ZDHHC14: variants seen among roughly 807,000 people sequenced by gnomAD.
ZDHHC14 encodes zDHHC palmitoyltransferase 14, also known as palmitoyltransferase ZDHHC14.
Under a neutral mutation model 47.7 loss-of-function variants are expected in ZDHHC14, and 16 were observed. That is an observed-to-expected ratio of 0.34 (90% CI 0.23 to 0.51). The LOEUF (loss-of-function observed/expected upper bound fraction) is 0.51. Among genes scored for constraint, ZDHHC14 ranks in the 20% least tolerant of loss-of-function variants. The probability of loss-of-function intolerance (pLI) is 0.97; values close to 1 mark genes in which losing one functional copy is unlikely to be tolerated. For synonymous variants in ZDHHC14, 293 were observed against 278.9 expected, an observed-to-expected ratio of 1.05 and a Z score of -0.50; for missense variants, 515 against 662.5, an observed-to-expected ratio of 0.78 and a Z score of 2.44.
chr6:157,385,899 A>G (rs1452145804), intron 1 of ZDHHC14, among the ~76,000 whole-genome samples: 2 of 152,202 alleles, frequency 1.3e-5, no homozygotes, highest in Non-Finnish European at 2.9e-5. Context: ...GTCTTTTTTA[A>G]GCCTTAGTTT....
chr6:157,403,751 A>G (rs184386242), intron 1 of ZDHHC14, among the ~76,000 whole-genome samples: 2 of 152,394 alleles, frequency 1.3e-5, no homozygotes, highest in East Asian at 1.9e-4. Context: ...TTTAGCAAGT[A>G]TGATCTCCTT....
intron 1 of ZDHHC14, among the ~76,000 whole-genome samples, chr6:157,400,996 A>G (rs894909229): frequency 6.6e-6 from 1 of 152,238 alleles, no homozygotes; most frequent in African/African-American, 2.4e-5. Context: ...CAGTCTTTCT[A>G]GCACTGCATT....
intron 1 of ZDHHC14, among the ~76,000 whole-genome samples, chr6:157,491,357 A>G (rs1219812018): frequency 6.6e-6 from 1 of 152,210 alleles, no homozygotes; most frequent in African/African-American, 2.4e-5. Flanking sequence ...GTGTTCGTTT[A>G]GAGCCAAAGG....
chr6:157,490,950 A>G (rs1224629812), intron 1 of ZDHHC14, among the ~76,000 whole-genome samples: 3 of 152,116 alleles, frequency 2.0e-5, no homozygotes, highest in Non-Finnish European at 4.4e-5. Context: ...ATATAAGAGA[A>G]TCAAAGCAGG....
At chr6:157,385,184 G>T (rs902708343) in intron 1 of ZDHHC14, among the ~76,000 whole-genome samples, 6 of 152,094 alleles carry the variant, frequency 3.9e-5, no homozygotes, top group Non-Finnish European at 8.8e-5. Flanking sequence ...GACCGCCGAG[G>T]CTCAAGCAAT....
intron 1 of ZDHHC14, among the ~76,000 whole-genome samples, chr6:157,472,591 C>G (rs1246184848): frequency 6.6e-6 from 1 of 152,122 alleles, no homozygotes; most frequent in African/African-American, 2.4e-5. Flanking sequence ...TGTGACTCTC[C>G]TGAAAATCAA....
At chr6:157,453,788 T>TTGTGTTTTG (rs1778855525) in intron 1 of ZDHHC14, among the ~76,000 whole-genome samples, 1 of 148,098 alleles carries the variant, frequency 6.8e-6, no homozygotes, top group African/African-American at 2.5e-5. Context: ...TTTTTGTGTT[T>TTGTGTTTTG]TGTGTGTGTG....
Position 157,482,555 on chromosome 6 carries a change from C to G in ZDHHC14, c.246-60030C>G, listed in dbSNP as rs570570971. Among the ~76,000 whole-genome samples, 10 of 151,164 alleles carry G rather than the reference C, an allele frequency of 6.6e-5. No homozygotes were observed. The East Asian group carries it at 8.0e-4, about 12-fold the overall frequency. On this transcript the variant is annotated intron_variant, in intron 1 of 8. Transcript: ENST00000359775. ...AGGCATGAGCCACCACGCCTGGCTC[C>G]AACGTCTATATTTCATTTGCTATTT...
intron 3 of ZDHHC14, among the ~76,000 whole-genome samples, chr6:157,598,335 C>G (rs921738766): frequency 1.3e-5 from 2 of 152,058 alleles, no homozygotes; most frequent in Non-Finnish European, 2.9e-5. Context: ...GTGGAGGGAG[C>G]TGAGATTCGT....
chr6:157,485,769 G>A (rs901596620), intron 1 of ZDHHC14, among the ~76,000 whole-genome samples: 8 of 151,062 alleles, frequency 5.3e-5, no homozygotes, highest in South Asian at 2.1e-4. Context: ...CCAGCACTTC[G>A]GGAGGCCAAG....
intron 1 of ZDHHC14, among the ~76,000 whole-genome samples, chr6:157,499,345 G>A (rs538585253): frequency 6.6e-5 from 10 of 152,218 alleles, no homozygotes; most frequent in East Asian, 5.8e-4. Context: ...CCTGGTTTGC[G>A]GGTGGTGCCT....
chr6:157,474,104 T>A (rs1318593318), intron 1 of ZDHHC14, among the ~76,000 whole-genome samples: 3 of 151,984 alleles, frequency 2.0e-5, no homozygotes, highest in Admixed American at 6.6e-5. Flanking sequence ...TTCTCCTGCT[T>A]CAGCCTCCCG....
At chr6:157,399,047 T>C (rs1777579574) in intron 1 of ZDHHC14, among the ~76,000 whole-genome samples, 1 of 152,374 alleles carries the variant, frequency 6.6e-6, no homozygotes, top group East Asian at 1.9e-4. Flanking sequence ...GGGACCTGCA[T>C]GACTGTTTTC....
At chr6:157,541,531 A>G (rs2114802868) in intron 1 of ZDHHC14, among the ~76,000 whole-genome samples, 1 of 152,322 alleles carries the variant, frequency 6.6e-6, no homozygotes, top group African/African-American at 2.4e-5. Context: ...GAGAACATAG[A>G]AGAGAATCTT....
intron 6 of ZDHHC14, among the ~76,000 whole-genome samples, chr6:157,646,721 T>G (rs715442): frequency 0.22 from 33,382 of 152,092 alleles, 4,611 homozygotes; most frequent in East Asian, 0.57. Flanking sequence ...CTATCCACAC[T>G]TGAATTAAAT....
intron 1 of ZDHHC14, among the ~76,000 whole-genome samples, chr6:157,406,613 A>C (rs1198230006): frequency 6.6e-6 from 1 of 152,242 alleles, no homozygotes; most frequent in African/African-American, 2.4e-5. Context: ...TCCTTCTTCA[A>C]AATGGTTTAT....
chr6:157,441,555 C>T (rs1778560609), intron 1 of ZDHHC14, among the ~76,000 whole-genome samples: 1 of 152,182 alleles, frequency 6.6e-6, no homozygotes, highest in African/African-American at 2.4e-5. Flanking sequence ...AAGAAAAAAT[C>T]TGGCCAGGCA....
At chr6:157,576,259 T>C (rs958144818) in intron 2 of ZDHHC14, among the ~76,000 whole-genome samples, 2 of 152,224 alleles carry the variant, frequency 1.3e-5, no homozygotes, top group African/African-American at 4.8e-5. Flanking sequence ...TAAGAATTCA[T>C]AAAGAAAAAG....
intron 1 of ZDHHC14, among the ~76,000 whole-genome samples, chr6:157,397,180 G>T (rs764725598): frequency 1.3e-5 from 2 of 152,216 alleles, no homozygotes; most frequent in African/African-American, 2.4e-5. Flanking sequence ...CCAGTCAAGC[G>T]TAAAGGGGGA....
Sources: gnomAD v4.1 joint callset for allele counts (sites outside exome capture counted in the v4.1 genomes callset) on GRCh38, gnomAD v4.1.1 for gene constraint, MANE v1.5 for transcripts, NCBI Gene and HGNC (gene_info 2026-07-23, HGNC 2026-07-21) for gene names.